FRS2: variants seen among roughly 807,000 people sequenced by gnomAD.
The protein encoded by FRS2 is fibroblast growth factor receptor substrate 2.
FRS2 carries 8 observed loss-of-function variants against 43.9 expected under a neutral mutation model. The observed-to-expected ratio is 0.18, with a 90% CI of 0.11 to 0.33. The LOEUF (loss-of-function observed/expected upper bound fraction) is 0.33, where lower values mean the gene tolerates loss of function less well. FRS2 is among the 10% of genes least tolerant of loss of function. The probability of loss-of-function intolerance (pLI) is 1.00; values close to 1 mark genes in which losing one functional copy is unlikely to be tolerated. For missense variants in FRS2, 534 were observed against 627.6 expected (o/e 0.85, Z 1.59); for synonymous variants, 219 against 220.3 (o/e 0.99, Z 0.05).
intron 1 of FRS2, among the ~76,000 whole-genome samples, chr12:69,475,568 G>C (rs1870687476): frequency 6.6e-6 from 1 of 152,200 alleles, no homozygotes; most frequent in African/African-American, 2.4e-5. Flanking sequence ...TTATACCACT[G>C]GAAGAATATT....
At chr12:69,523,011 G>C (rs1429694693) in intron 1 of FRS2, among the ~76,000 whole-genome samples, 1 of 152,178 alleles carries the variant, frequency 6.6e-6, no homozygotes, top group Non-Finnish European at 1.5e-5. Flanking sequence ...TTGTGTAGTT[G>C]ATTTTAGAGT....
intron 4 of FRS2, among the ~76,000 whole-genome samples, chr12:69,565,665 A>G (rs1266083530): frequency 6.6e-6 from 1 of 152,194 alleles, no homozygotes; most frequent in African/African-American, 2.4e-5. Context: ...ATGGGCCTAT[A>G]CAGGGTGAAA....
intron 3 of FRS2, among the ~76,000 whole-genome samples, chr12:69,538,195 TTTTATA>T (rs1219845917): frequency 6.5e-5 from 5 of 76,878 alleles, no homozygotes; most frequent in Non-Finnish European, 9.6e-5. Flanking sequence ...AAAAAACAAA[TTTTATA>T]TATATATATA....
rs764648129 is a variant in FRS2 at position 69,571,342 on chromosome 12, A to G, written c.320A>G (p.Asn107Ser). 4 of 1,609,262 alleles carry G rather than the reference A, an allele frequency of 2.5e-6. No homozygotes were observed. Among genetic ancestry groups the G allele is most frequent in the Non-Finnish European group, 3.4e-6 (4 of 1,175,976 alleles). ...LFNMLQEIMQNNSINVVEEPV... is the reference protein window; with the variant it reads ...LFNMLQEIMQSNSINVVEEPV... ...AACATGTTGCAAGAGATTATGCAAA[A>G]TAATAGTATAAATGTGGTGGAAGAG... The change falls in exon 7 of 9, where the codon AAT becomes AGT. Residue 107 changes from asparagine (N) to serine (S), a missense_variant. Physicochemically the swap from Asn to Ser is conservative, Grantham distance 46. Coordinates refer to ENST00000549921, the MANE Select transcript of FRS2 (RefSeq NM_001278356.2).
At chr12:69,550,603 A>G (rs934234561) in intron 3 of FRS2, among the ~76,000 whole-genome samples, 14 of 152,244 alleles carry the variant, frequency 9.2e-5, no homozygotes, top group Admixed American at 2.0e-4. Flanking sequence ...CTCAAAACAT[A>G]CAATACCACC....
chr12:69,549,318 ATAACT>A (rs1188472246), intron 3 of FRS2, among the ~76,000 whole-genome samples: 26 of 152,176 alleles, frequency 1.7e-4, no homozygotes, highest in African/African-American at 3.6e-4. Context: ...TTCAGAAATA[ATAACT>A]TAAGAAATAT....
intron 3 of FRS2, among the ~76,000 whole-genome samples, chr12:69,534,503 A>G (rs1565753937): frequency 6.6e-6 from 1 of 152,212 alleles, no homozygotes; most frequent in African/African-American, 2.4e-5. Flanking sequence ...CAATTTGAAG[A>G]ACAAGCATTT....
At chr12:69,477,272 CTTTTTTT>C (rs11300091) in intron 1 of FRS2, among the ~76,000 whole-genome samples, 14 of 103,142 alleles carry the variant, frequency 1.4e-4, no homozygotes, top group African/African-American at 3.8e-4. Flanking sequence ...TTTTAAAATA[CTTTTTTT>C]TTTTTTTTTT....
intron 1 of FRS2, among the ~76,000 whole-genome samples, chr12:69,476,018 T>A (rs1475979125): frequency 1.3e-5 from 2 of 152,134 alleles, no homozygotes; most frequent in Non-Finnish European, 2.9e-5. Flanking sequence ...TTGGCAGCCC[T>A]ATGCTGGTCA....
intron 3 of FRS2, among the ~76,000 whole-genome samples, chr12:69,536,126 TTTTTTTTTTTTTTTTGG>T (rs1877271317): frequency 3.2e-5 from 2 of 63,376 alleles, no homozygotes; most frequent in African/African-American, 7.0e-5. Context: ...TTTTTTTTTT[TTTTTTTTTTTTTTTTGG>T]AGACGAAGTC....
At chr12:69,553,583 G>GA (rs1711589130) in intron 3 of FRS2, among the ~76,000 whole-genome samples, 3 of 151,360 alleles carry the variant, frequency 2.0e-5, no homozygotes. Context: ...ATTTTTCCTT[G>GA]AAAGTATCAG....
At chr12:69,557,619 T>C (rs1205645) in intron 3 of FRS2, among the ~76,000 whole-genome samples, 4,241 of 118,958 alleles carry the variant, frequency 0.036, 59 homozygotes, top group Middle Eastern at 0.059. Context: ...TGTGTGTGTG[T>C]GCGCGCGCGC....
At position 69,481,618 on chromosome 12, in the gene FRS2, A is replaced by C. The variant is rs965031208; in HGVS notation, c.-261+11088A>C. Among the ~76,000 whole-genome samples the C allele has an allele frequency of 7.2e-5, 11 of 152,232 alleles. No homozygotes were observed. In the Middle Eastern group the frequency reaches 0.01, roughly 141 times the overall value. On this transcript the variant is annotated intron_variant, in intron 1 of 8. Coordinates refer to ENST00000549921, the MANE Select transcript of FRS2 (RefSeq NM_001278356.2). ...ATTTAACGTTGATACGGTACTTTAC[A>C]CTTTACATTCCCATTTTGGTAATTT...
At chr12:69,510,063 A>C (rs1874314314) in intron 1 of FRS2, among the ~76,000 whole-genome samples, 3 of 152,132 alleles carry the variant, frequency 2.0e-5, no homozygotes, top group Admixed American at 2.0e-4. Flanking sequence ...GATTCTGCAG[A>C]TCTGTGGCAA....
At chr12:69,550,313 G>T (rs1343634269) in intron 3 of FRS2, among the ~76,000 whole-genome samples, 1 of 151,992 alleles carries the variant, frequency 6.6e-6, no homozygotes, top group Admixed American at 6.6e-5. Context: ...CATCTTCATT[G>T]TTTAGTAACT....
chr12:69,526,664 A>G (rs537813485), intron 1 of FRS2, among the ~76,000 whole-genome samples: 98 of 152,276 alleles, frequency 6.4e-4, no homozygotes, highest in African/African-American at 2.3e-3. Context: ...TAACATATAC[A>G]TGTGTATGTA....
chr12:69,529,403 C>G (rs537321835), intron 1 of FRS2, among the ~76,000 whole-genome samples: 2 of 152,146 alleles, frequency 1.3e-5, no homozygotes, highest in African/African-American at 4.8e-5. Flanking sequence ...GCAGGTGGAT[C>G]ACTTGAAGCC....
At position 69,574,231 on chromosome 12, in the gene FRS2, T is replaced by C. The variant is rs755305017; in HGVS notation, c.803T>C (p.Leu268Pro). The C allele has an allele frequency of 1.9e-6, 3 of 1,614,016 alleles. No homozygotes were observed. The highest frequency in any genetic ancestry group is 1.7e-5 in the Admixed American group (1 of 60,000). The change falls in exon 9 of 9, where the codon CTG becomes CCG. Residue 268 changes from leucine (L) to proline (P), a missense_variant. Around this residue, in one of 3 missense-constraint regions of FRS2, gnomAD observed 446 missense variants for 494.2 expected, o/e 0.90. Coordinates refer to ENST00000549921, the MANE Select transcript of FRS2 (RefSeq NM_001278356.2). ...VQKQLMEKEK[L>P]EQLGRDQVSG... ...AAGCAGTTAATGGAAAAAGAGAAAC[T>C]GGAGCAACTTGGAAGAGATCAAGTT... is the stretch of plus-strand genomic sequence containing the variant.
Position 69,485,564 on chromosome 12 carries a change from C to T in FRS2, c.-261+15034C>T, listed in dbSNP as rs1200948369. Among the ~76,000 whole-genome samples the T allele has an allele frequency of 7.2e-5, 11 of 152,062 alleles. No individual in the cohort carries two copies. The East Asian group carries it at 2.1e-3, about 29-fold the overall frequency. ...GTGGTGCGATCTTGGCTCACTGCAACCTCCACCTCCCAAGTTCAGGCGATT... is the reference window on the plus strand; with the variant it reads ...GTGGTGCGATCTTGGCTCACTGCAATCTCCACCTCCCAAGTTCAGGCGATT... On this transcript the variant is annotated intron_variant, in intron 1 of 8. Coordinates refer to ENST00000549921, the MANE Select transcript of FRS2 (RefSeq NM_001278356.2).
Sources: allele counts gnomAD v4.1 joint callset (sites outside exome capture counted in the v4.1 genomes callset), GRCh38; gene constraint gnomAD v4.1.1; regional missense constraint gnomAD v4.1.1; transcripts MANE v1.5; gene names NCBI Gene and HGNC (gene_info 2026-07-23, HGNC 2026-07-21).